ARHGAP6: variants seen among roughly 807,000 people sequenced by gnomAD.
ARHGAP6 encodes the protein rho GTPase-activating protein 6.
ARHGAP6 carries 16 observed loss-of-function variants against 55.7 expected under a neutral mutation model. The observed-to-expected ratio is 0.29, with a 90% confidence interval of 0.19 to 0.44. The LOEUF is 0.44. Among genes scored for constraint, ARHGAP6 ranks in the 20% least tolerant of loss-of-function variants. The pLI is 1.00. For missense variants in ARHGAP6, 698 were observed against 808.9 expected (o/e 0.86, Z 1.66); for synonymous variants, 382 against 360.9 (o/e 1.06, Z -0.66).
At chrX:11,490,709 C>G (rs2050558852) in intron 1 of ARHGAP6, among the ~76,000 whole-genome samples, 2 of 112,184 alleles carry the variant, frequency 1.8e-5, no homozygotes, top group Admixed American at 1.9e-4. Context: ...TGGCTATTCA[C>G]AGTTTTTGGA....
At chrX:11,471,209 A>C (rs1213935463) in intron 1 of ARHGAP6, among the ~76,000 whole-genome samples, 1 of 112,021 alleles carries the variant, frequency 8.9e-6, no homozygotes. Flanking sequence ...CCAGCTCATC[A>C]TCAATTTAAA....
At chrX:11,344,394 C>G (rs1435481467) in intron 1 of ARHGAP6, among the ~76,000 whole-genome samples, 1 of 111,151 alleles carries the variant, frequency 9.0e-6, no homozygotes, top group Non-Finnish European at 1.9e-5. Flanking sequence ...GATGCCCGGC[C>G]AGGCGCAGTG....
intron 2 of ARHGAP6, among the ~76,000 whole-genome samples, chrX:11,219,857 T>C (rs1367417106): frequency 3.1e-5 from 3 of 97,440 alleles, no homozygotes; most frequent in Non-Finnish European, 4.1e-5. Context: ...ACTCTGATGG[T>C]AGTTTCTTTT....
rs1419048148 is a variant in ARHGAP6, at chrX:11,542,078, T to C, written c.588+122163A>G. 7.1e-5 allele frequency among the ~76,000 whole-genome samples: 7 copies of C among 98,097 alleles called. No homozygotes were observed. In the South Asian group the frequency reaches 1.4e-3, roughly 19 times the overall value. The allele number at this position is 98,097 out of a possible 115,157, so 85.2% of individuals were successfully genotyped here. A position where few individuals can be genotyped will look rare whatever the true frequency, so the allele number is the denominator to read the frequency against. On this transcript the variant is annotated intron_variant, in intron 1 of 12. Coordinates refer to ENST00000337414, the MANE Select transcript of ARHGAP6 (RefSeq NM_013427.3). ...AAATAATGGTTAGGCAAAGCCCTAC[T>C]TTTTTTTTTTTTTTTTCTCACTCCC...
chrX:11,276,232 T>A (rs1266763341), intron 1 of ARHGAP6, among the ~76,000 whole-genome samples: 2 of 111,404 alleles, frequency 1.8e-5, no homozygotes, highest in African/African-American at 6.5e-5. Flanking sequence ...CCCTGCCCCA[T>A]CTCAGCTATT....
chrX:11,578,525 A>T (rs1352228078), intron 1 of ARHGAP6, among the ~76,000 whole-genome samples: 2 of 111,854 alleles, frequency 1.8e-5, no homozygotes, highest in African/African-American at 6.5e-5. Context: ...AAAAGTCAGG[A>T]AACAATAGGT....
chrX:11,590,829 A>AG (rs2051804082), intron 1 of ARHGAP6, among the ~76,000 whole-genome samples: 1 of 51,218 alleles, frequency 2.0e-5, no homozygotes, highest in African/African-American at 1.1e-4. Context: ...AAGAAAAGAA[A>AG]AGAAAAGAAA....
chrX:11,277,252 T>C (rs1011704510), intron 1 of ARHGAP6, among the ~76,000 whole-genome samples: 1 of 111,935 alleles, frequency 8.9e-6, no homozygotes, highest in Non-Finnish European at 1.9e-5. Context: ...TGTATAGATA[T>C]ACTAAATTTT....
chrX:11,256,048 G>A (rs939350577), intron 1 of ARHGAP6, among the ~76,000 whole-genome samples: 3 of 111,041 alleles, frequency 2.7e-5, no homozygotes, highest in Non-Finnish European at 3.8e-5. Context: ...GGGACTCATT[G>A]CAATAAATGG....
At chrX:11,249,337 G>A (rs1044994955) in intron 2 of ARHGAP6, among the ~76,000 whole-genome samples, 5 of 111,634 alleles carry the variant, frequency 4.5e-5, no homozygotes, top group Middle Eastern at 4.6e-3. Context: ...CTGCTTGGGT[G>A]ATGGCTGCAC....
At chrX:11,405,811 T>C (rs1291013691) in intron 1 of ARHGAP6, among the ~76,000 whole-genome samples, 1 of 112,115 alleles carries the variant, frequency 8.9e-6, no homozygotes, top group Non-Finnish European at 1.9e-5. Context: ...ACAACCCAAC[T>C]TCACCACTTA....
intron 2 of ARHGAP6, among the ~76,000 whole-genome samples, chrX:11,238,507 C>G (rs1025979485): frequency 1.8e-5 from 2 of 111,995 alleles, no homozygotes; most frequent in African/African-American, 6.5e-5. Flanking sequence ...GTGGTTCTTT[C>G]CTTTTATTTA....
chrX:11,435,532 C>T (rs182507774), intron 1 of ARHGAP6, among the ~76,000 whole-genome samples: 96 of 111,847 alleles, frequency 8.6e-4, no homozygotes, highest in Non-Finnish European at 1.5e-3. Context: ...TTTTGAGGAC[C>T]TCCCCAGAGC....
intron 1 of ARHGAP6, among the ~76,000 whole-genome samples, chrX:11,381,350 T>C (rs1164406359): frequency 8.9e-6 from 1 of 112,379 alleles, no homozygotes; most frequent in Non-Finnish European, 1.9e-5. Context: ...AAAATCTAGT[T>C]CCATGGCTAA....
chrX:11,559,929 AAATAAT>A (rs755756728), intron 1 of ARHGAP6, among the ~76,000 whole-genome samples: 2,018 of 96,120 alleles, frequency 0.021, 30 homozygotes, highest in Middle Eastern at 0.069. Flanking sequence ...CTCGGTCTCA[AAATAAT>A]AATAATAATA....
intron 1 of ARHGAP6, among the ~76,000 whole-genome samples, chrX:11,411,222 T>TATATAA (rs1385399573): frequency 1.4e-4 from 11 of 79,529 alleles, no homozygotes; most frequent in South Asian, 6.8e-4. Context: ...TATATATATA[T>TATATAA]AAAATATACA....
intron 1 of ARHGAP6, among the ~76,000 whole-genome samples, chrX:11,568,420 G>C (rs982464864): frequency 1.8e-5 from 2 of 112,474 alleles, no homozygotes; most frequent in Non-Finnish European, 3.8e-5. Flanking sequence ...AAGCAATTCA[G>C]CAATGGTAAA....
At position 11,410,340 on chromosome X, in the gene ARHGAP6, G is replaced by A. The variant is rs773092110; in HGVS notation, c.589-155633C>T. On this transcript the variant is annotated intron_variant, in intron 1 of 12. Transcript: ENST00000337414. ...ACATGCTGCAACATGGGTGAACCTC[G>A]ACAACACACTCAGTGAAAGGAGACA... Among the ~76,000 whole-genome samples the A allele has an allele frequency of 9.8e-5, 11 of 112,227 alleles. No homozygotes were observed. In the South Asian group the frequency reaches 1.1e-3, roughly 11 times the overall value.
intron 3 of ARHGAP6, among the ~76,000 whole-genome samples, chrX:11,189,457 C>G (rs768532067): frequency 1.8e-5 from 2 of 112,071 alleles, no homozygotes; most frequent in Non-Finnish European, 3.8e-5. Context: ...ATTTAGTTAA[C>G]TGAATACACT....
Sources: gnomAD v4.1 joint callset for allele counts (sites outside exome capture counted in the v4.1 genomes callset) on GRCh38, gnomAD v4.1.1 for gene constraint, MANE v1.5 for transcripts, NCBI Gene and HGNC (gene_info 2026-07-23, HGNC 2026-07-21) for gene names.